The following ZEB1 variants were observed in gnomAD, a reference collection of about 807,000 sequenced individuals.
ZEB1 encodes the protein zinc finger E-box-binding homeobox 1.
A neutral mutation model predicts 84.9 loss-of-function variants in ZEB1; 21 were observed. The observed-to-expected ratio is 0.25, with a 90% CI of 0.18 to 0.36. The LOEUF is 0.36. Ranked by LOEUF, ZEB1 falls within the 10% of genes least tolerant of loss-of-function variation. The pLI, the probability that ZEB1 is intolerant of heterozygous loss-of-function variation, is 1.00. For missense variants in ZEB1, 1,104 were observed against 1,330.2 expected (o/e 0.83, Z 2.65); for synonymous variants, 420 against 471.1 (o/e 0.89, Z 1.41).
At position 31,419,670 on chromosome 10, in the gene ZEB1, A is replaced by T. The variant is rs544692577; in HGVS notation, c.59-41367A>T. On this transcript the variant is annotated intron_variant, in intron 1 of 8. Coordinates refer to ENST00000424869, the MANE Select transcript of ZEB1 (RefSeq NM_001174096.2). ...TTAAGTTGGATATTTTTGAGGAATC[A>T]TGAAGTGTTGCTGATTTGTACTAAT... Among the ~76,000 whole-genome samples the T allele has an allele frequency of 2.0e-5, 3 of 152,292 alleles. No individual in the cohort carries two copies. The East Asian group carries it at 5.8e-4, about 29-fold the overall frequency.
At position 31,376,113 on chromosome 10, in the gene ZEB1, T is replaced by G. The variant is rs568376558; in HGVS notation, c.58+56821T>G. Among the ~76,000 whole-genome samples, 142 of 151,918 alleles carry G rather than the reference T, an allele frequency of 9.3e-4. 2 individuals are homozygous for G. The highest frequency in any genetic ancestry group is 3.4e-3 in the African/African-American group (140 of 41,556). ...TAACAGATAGAATAGCAAATCACATTTATTCATTCAGTATATTCTTACCAA... is the reference window on the plus strand; with the variant it reads ...TAACAGATAGAATAGCAAATCACATGTATTCATTCAGTATATTCTTACCAA... On this transcript the variant is annotated intron_variant, in intron 1 of 8. Coordinates refer to ENST00000424869, the MANE Select transcript of ZEB1 (RefSeq NM_001174096.2).
chr10:31,508,490 G>A (rs2069371854), intron 4 of ZEB1, among the ~76,000 whole-genome samples: 1 of 152,162 alleles, frequency 6.6e-6, no homozygotes, highest in Admixed American at 6.5e-5. Context: ...GGTGCCAGCT[G>A]TAGTGATAGT....
intron 1 of ZEB1, chr10:31,361,131 A>G: frequency 1.2e-6 from 2 of 1,612,012 alleles, no homozygotes; most frequent in South Asian, 2.2e-5. Context: ...AAAAAGAAGA[A>G]CTGATTGAAG....
intron 1 of ZEB1, 105 bp downstream of exon 1, chr10:31,319,397 A>G: frequency 8.7e-7 from 1 of 1,152,614 alleles, no homozygotes; most frequent in South Asian, 1.3e-5. Flanking sequence ...CAGCCGGGGC[A>G]GGGACGGCAA....
intron 2 of ZEB1, among the ~76,000 whole-genome samples, chr10:31,479,682 AAATAT>A (rs1289591832): frequency 1.3e-5 from 2 of 151,940 alleles, no homozygotes; most frequent in African/African-American, 2.4e-5. Context: ...TTATATTGGG[AAATAT>A]AATATGCTAT....
At chr10:31,359,487 G>A (rs977486135) in intron 1 of ZEB1, among the ~76,000 whole-genome samples, 1 of 152,090 alleles carries the variant, frequency 6.6e-6, no homozygotes, top group Non-Finnish European at 1.5e-5. Flanking sequence ...AACTTTGAAA[G>A]GGGTATGTTT....
intron 5 of ZEB1, among the ~76,000 whole-genome samples, chr10:31,512,047 G>T (rs1300591519): frequency 6.6e-6 from 1 of 152,036 alleles, no homozygotes; most frequent in East Asian, 1.9e-4. Flanking sequence ...GAGAAGGGAC[G>T]ACTGAAGGCA....
At chr10:31,495,864 A>G in intron 3 of ZEB1, 26 bp downstream of exon 3, 2 of 1,612,226 alleles carry the variant, frequency 1.2e-6, no homozygotes, top group Non-Finnish European at 1.7e-6. Flanking sequence ...TTTCTTTCAT[A>G]CCATAGCCTT....
At chr10:31,385,966 G>C (rs527949491) in intron 1 of ZEB1, among the ~76,000 whole-genome samples, 27 of 152,180 alleles carry the variant, frequency 1.8e-4, no homozygotes, top group African/African-American at 6.3e-4. Context: ...ATTATAGTCA[G>C]ACAAAATGTA....
Position 31,333,521 on chromosome 10 carries a change from C to T in ZEB1, c.58+14229C>T, listed in dbSNP as rs1323840973. ...TACGGGTAGGCTTGGTAAGTTTTAACGCATGTTAAAATTTCTAAGATAAGG... is the reference window on the plus strand; with the variant it reads ...TACGGGTAGGCTTGGTAAGTTTTAATGCATGTTAAAATTTCTAAGATAAGG... On this transcript the variant is annotated intron_variant, in intron 1 of 8. Coordinates refer to ENST00000424869, the MANE Select transcript of ZEB1 (RefSeq NM_001174096.2). 1.1e-4 allele frequency among the ~76,000 whole-genome samples: 16 copies of T among 151,676 alleles called. No homozygotes were observed. The South Asian group carries it at 2.9e-3, about 28-fold the overall frequency.
chr10:31,394,085 C>G (rs974016919), intron 1 of ZEB1, among the ~76,000 whole-genome samples: 1 of 152,132 alleles, frequency 6.6e-6, no homozygotes, highest in African/African-American at 2.4e-5. Flanking sequence ...AGAACCCAAT[C>G]TGAGGTCAGA....
intron 4 of ZEB1, among the ~76,000 whole-genome samples, chr10:31,508,914 T>TG (rs1178347640): frequency 6.6e-6 from 1 of 152,030 alleles, no homozygotes; most frequent in African/African-American, 2.4e-5. Context: ...GAAATTAGGG[T>TG]CGCTGCCAGT....
At chr10:31,456,418 A>G (rs959248022) in intron 1 of ZEB1, among the ~76,000 whole-genome samples, 4 of 152,114 alleles carry the variant, frequency 2.6e-5, no homozygotes, top group African/African-American at 7.2e-5. Flanking sequence ...AGATTTGACT[A>G]TAAGGATGAT....
Position 31,361,449 on chromosome 10 carries a change from G to A in ZEB1, c.58+42157G>A, listed in dbSNP as rs571131738. ...TTTAAATTAAAAAGTAAACTTTAAT[G>A]TCGAAAATGCAAACCTGGGGAGGGC... On this transcript the variant is annotated intron_variant, in intron 1 of 8. Coordinates refer to ENST00000424869, the MANE Select transcript of ZEB1 (RefSeq NM_001174096.2). 2.4e-4 allele frequency among the ~76,000 whole-genome samples: 36 copies of A among 152,320 alleles called. 1 individual carries two copies. In the South Asian group the frequency reaches 7.3e-3, roughly 31 times the overall value.
intron 1 of ZEB1, among the ~76,000 whole-genome samples, chr10:31,399,744 A>C (rs1205687338): frequency 6.6e-6 from 1 of 152,182 alleles, no homozygotes; most frequent in Non-Finnish European, 1.5e-5. Flanking sequence ...TTTCATCTCA[A>C]CCAGAATAAA....
intron 1 of ZEB1, among the ~76,000 whole-genome samples, chr10:31,429,612 G>T (rs2057422957): frequency 6.8e-6 from 1 of 146,770 alleles, no homozygotes; most frequent in Non-Finnish European, 1.5e-5. Context: ...GAAATAATCT[G>T]CACAACAAAC....
At chr10:31,331,066 C>CTTTTTTTTTTT (rs2036631635) in intron 1 of ZEB1, among the ~76,000 whole-genome samples, 1 of 101,238 alleles carries the variant, frequency 9.9e-6, no homozygotes, top group Non-Finnish European at 2.1e-5. Flanking sequence ...ATTTTCTTTT[C>CTTTTTTTTTTT]TTTTTTCTTT....
intron 1 of ZEB1, among the ~76,000 whole-genome samples, chr10:31,354,716 A>G (rs887436702): frequency 5.9e-5 from 9 of 152,202 alleles, no homozygotes; most frequent in African/African-American, 2.2e-4. Flanking sequence ...TAACAGCCAG[A>G]TATTTGGTAT....
At chr10:31,469,541 G>A (rs1158391586) in intron 2 of ZEB1, among the ~76,000 whole-genome samples, 13 of 152,258 alleles carry the variant, frequency 8.5e-5, no homozygotes, top group East Asian at 5.8e-4. Context: ...ATTATATCCC[G>A]CACCTGGCTC....
Sources: gnomAD v4.1 joint callset for allele counts (sites outside exome capture counted in the v4.1 genomes callset) on GRCh38, gnomAD v4.1.1 for gene constraint, MANE v1.5 for transcripts, NCBI Gene and HGNC (gene_info 2026-07-23, HGNC 2026-07-21) for gene names.